The following PLCG2 variants were observed in gnomAD, a reference collection of about 807,000 sequenced individuals.
The protein encoded by PLCG2 is phospholipase C gamma 2.
Under a neutral mutation model 175.6 loss-of-function variants are expected in PLCG2, and 69 were observed. That is an observed-to-expected ratio of 0.39 (90% CI 0.32 to 0.48). The LOEUF (loss-of-function observed/expected upper bound fraction) is 0.48. Among genes scored for constraint, PLCG2 ranks in the 20% least tolerant of loss-of-function variants. The probability of loss-of-function intolerance (pLI) is 0.91; values close to 1 mark genes in which losing one functional copy is unlikely to be tolerated. For synonymous variants in PLCG2, 827 were observed against 624.0 expected (o/e 1.33, Z -4.85); for missense variants, 1,798 against 1,650.9 (o/e 1.09, Z -1.54).
intron 9 of PLCG2, 48 bp from the exon 10 acceptor site, chr16:81,889,124 T>A (rs1223528034): frequency 8.9e-7 from 1 of 1,127,738 alleles, no homozygotes; most frequent in Non-Finnish European, 1.3e-6. Flanking sequence ...ATGAAGAATT[T>A]TATCAGTTCT....
chr16:81,771,106 A>G (rs1910272072), intron 2 of PLCG2, among the ~76,000 whole-genome samples: 1 of 152,098 alleles, frequency 6.6e-6, no homozygotes, highest in African/African-American at 2.4e-5. Context: ...GATCATAAGT[A>G]CAGAGCTCAG....
At chr16:81,810,648 TTA>T (rs1011906382) in intron 2 of PLCG2, among the ~76,000 whole-genome samples, 39 of 146,342 alleles carry the variant, frequency 2.7e-4, no homozygotes, top group Non-Finnish European at 2.6e-4. Flanking sequence ...TTCTTTCTTT[TTA>T]TTTTTTGCTG....
chr16:81,761,183 C>T (rs1910034269), intron 2 of PLCG2, among the ~76,000 whole-genome samples: 1 of 152,134 alleles, frequency 6.6e-6, no homozygotes, highest in Non-Finnish European at 1.5e-5. Context: ...AGGTATGAGC[C>T]ACTTGCGCCC....
upstream of PLCG2, among the ~76,000 whole-genome samples, chr16:81,778,331 C>G (rs1261688200): frequency 6.6e-6 from 1 of 152,140 alleles, no homozygotes; most frequent in Non-Finnish European, 1.5e-5. Flanking sequence ...GATGGCACCA[C>G]TGCACTCCAG....
intron 7 of PLCG2, among the ~76,000 whole-genome samples, chr16:81,876,410 G>C (rs1003188758): frequency 2.0e-5 from 3 of 152,090 alleles, no homozygotes; most frequent in African/African-American, 7.2e-5. Context: ...CGTAAGACCA[G>C]CTTCGGTTGT....
At position 81,931,747 on chromosome 16, in the gene PLCG2, G is replaced by C. The variant is rs149886290; in HGVS notation, c.2739+93G>C. Reference sequence around the variant, plus strand: ...TGTGGGTGGGTCCAGGCAGCAGGATGAGCAGGCCCAGGTCCTACTCAGAAT... The same window carrying C: ...TGTGGGTGGGTCCAGGCAGCAGGATCAGCAGGCCCAGGTCCTACTCAGAAT... On this transcript the variant is annotated intron_variant, in intron 25 of 32. Coordinates refer to ENST00000564138, the MANE Select transcript of PLCG2 (RefSeq NM_002661.5). 965 of 1,079,072 alleles carry C rather than the reference G, an allele frequency of 8.9e-4. 6 individuals are homozygous for C. The African/African-American group carries it at 0.014, about 15-fold the overall frequency. The allele number at this position is 1,079,072 out of a possible 1,614,324, so 66.8% of individuals were successfully genotyped here. A position where few individuals can be genotyped will look rare whatever the true frequency, so the allele number is the denominator to read the frequency against.
intron 2 of PLCG2, among the ~76,000 whole-genome samples, chr16:81,830,648 GT>G (rs1905222832): frequency 2.3e-4 from 12 of 52,994 alleles, no homozygotes; most frequent in African/African-American, 1.9e-3. Flanking sequence ...AATGTGTGGG[GT>G]GTGTGTGTGT....
intron 31 of PLCG2, among the ~76,000 whole-genome samples, chr16:81,952,040 G>C (rs1192965598): frequency 6.6e-6 from 1 of 152,028 alleles, no homozygotes; most frequent in African/African-American, 2.4e-5. Flanking sequence ...TGTGGTGTGG[G>C]AGGAAGGGAC....
Position 81,918,431 on chromosome 16 carries a change from A to G in PLCG2, c.2055-1053A>G, listed in dbSNP as rs373950814. ...TTCTTTCGAAATTGCTATTATTTCT[A>G]TATAGGAATTTATTTCAAAATTCTT... is the stretch of plus-strand genomic sequence containing the variant. On this transcript the variant is annotated intron_variant, in intron 19 of 32. Transcript: ENST00000564138. Among the ~76,000 whole-genome samples the G allele has an allele frequency of 4.3e-4, 65 of 152,284 alleles. No individual in the cohort carries two copies. The South Asian group carries it at 0.012, about 27-fold the overall frequency.
intron 9 of PLCG2, among the ~76,000 whole-genome samples, chr16:81,887,806 C>G (rs1185921134): frequency 6.6e-6 from 1 of 152,204 alleles, no homozygotes; most frequent in Non-Finnish European, 1.5e-5. Context: ...ATCCCCTTTT[C>G]CTATGAATAT....
At chr16:81,898,873 A>G (rs1909012811) in intron 13 of PLCG2, among the ~76,000 whole-genome samples, 1 of 152,212 alleles carries the variant, frequency 6.6e-6, no homozygotes, top group Admixed American at 6.5e-5. Context: ...GAGGAAACGT[A>G]AATATGTGTA....
intron 22 of PLCG2, among the ~76,000 whole-genome samples, chr16:81,924,171 T>G (rs1278231170): frequency 6.6e-6 from 1 of 152,250 alleles, no homozygotes; most frequent in Non-Finnish European, 1.5e-5. Context: ...CCACTTCGCT[T>G]TTTAACCTTA....
chr16:81,904,670 C>T (rs923370828), intron 14 of PLCG2, among the ~76,000 whole-genome samples: 3 of 152,170 alleles, frequency 2.0e-5, no homozygotes, highest in East Asian at 1.9e-4. Flanking sequence ...GTTTATTCAC[C>T]GAGTATCAAC....
chr16:81,759,846 G>A (rs1466356072), intron 2 of PLCG2, among the ~76,000 whole-genome samples: 1 of 152,250 alleles, frequency 6.6e-6, no homozygotes, highest in African/African-American at 2.4e-5. Context: ...TACAATGTAG[G>A]CCGGGCGTGG....
At position 81,785,314 on chromosome 16, in the gene PLCG2, A is replaced by G. The variant is rs375124739; in HGVS notation, c.-47-629A>G. Reference sequence around the variant, plus strand: ...ATTTTAAAAAGGCTAAAACTGAGGCACAGAGAGGTCAAGCAGTCTACCCAG... The same window carrying G: ...ATTTTAAAAAGGCTAAAACTGAGGCGCAGAGAGGTCAAGCAGTCTACCCAG... On this transcript the variant is annotated intron_variant, in intron 1 of 32. Transcript: ENST00000564138. Among the ~76,000 whole-genome samples, 10 of 152,090 alleles carry G rather than the reference A, an allele frequency of 6.6e-5. No homozygotes were observed. In the East Asian group the frequency reaches 7.7e-4, roughly 12 times the overall value.
intron 7 of PLCG2, among the ~76,000 whole-genome samples, chr16:81,872,098 C>T (rs114660464): frequency 0.012 from 1,779 of 152,192 alleles, 36 homozygotes; most frequent in African/African-American, 0.04. Flanking sequence ...GGAGCCCAGG[C>T]GGGTGGATCA....
At position 81,870,795 on chromosome 16, in the gene PLCG2, G is replaced by C. The variant is rs1907476204; in HGVS notation, c.565-57G>C. The C allele has an allele frequency of 3.4e-6, 3 of 893,754 alleles. No individual in the cohort carries two copies. In the African/African-American group the frequency reaches 5.1e-5, roughly 15 times the overall value. The allele number at this position is 893,754 out of a possible 1,614,324, so 55.4% of individuals were successfully genotyped here. On this transcript the variant is annotated intron_variant, in intron 6 of 32. Coordinates refer to ENST00000564138, the MANE Select transcript of PLCG2 (RefSeq NM_002661.5). ...CAAAAATTATTCTATAAATAGCATG[G>C]AGCCATTCTTACGGTGGACATCAAA...
intron 2 of PLCG2, among the ~76,000 whole-genome samples, chr16:81,793,772 C>G (rs1049214326): frequency 1.3e-5 from 2 of 152,164 alleles, no homozygotes; most frequent in Non-Finnish European, 2.9e-5. Flanking sequence ...TCCTTAATCC[C>G]CGCAGTGGTC....
At chr16:81,943,621 C>T (rs1911040469) in intron 30 of PLCG2, among the ~76,000 whole-genome samples, 1 of 152,158 alleles carries the variant, frequency 6.6e-6, no homozygotes, top group Non-Finnish European at 1.5e-5. Context: ...AATCTCAGGC[C>T]TCACCCCAGA....
Sources: gnomAD v4.1 joint callset for allele counts (sites outside exome capture counted in the v4.1 genomes callset) on GRCh38, gnomAD v4.1.1 for gene constraint, MANE v1.5 for transcripts, NCBI Gene and HGNC (gene_info 2026-07-23, HGNC 2026-07-21) for gene names.